GFRA1: variants seen among roughly 807,000 people sequenced by gnomAD.
GFRA1 encodes the protein GDNF family receptor alpha-1.
Under a neutral mutation model 51.6 loss-of-function variants are expected in GFRA1, and 16 were observed. The ratio of observed to expected loss-of-function variants is 0.31; its 90% CI spans 0.21 to 0.47. GFRA1 has a LOEUF of 0.47. GFRA1 is among the 20% of genes least tolerant of loss of function. GFRA1 has a pLI of 1.00. For synonymous variants in GFRA1, 270 were observed against 241.3 expected (o/e 1.12, Z -1.10); for missense variants, 530 against 594.3 (o/e 0.89, Z 1.13).
At chr10:116,109,501 T>C (rs1284001214) in intron 6 of GFRA1, among the ~76,000 whole-genome samples, 1 of 152,202 alleles carries the variant, frequency 6.6e-6, no homozygotes, top group Non-Finnish European at 1.5e-5. Flanking sequence ...TCAAATGCAG[T>C]CCTGCGACAC....
chr10:116,109,309 T>C (rs78449998), intron 6 of GFRA1, among the ~76,000 whole-genome samples: 3,489 of 152,246 alleles, frequency 0.023, 115 homozygotes, highest in African/African-American at 0.079. Context: ...TTCTTGGACT[T>C]TGGCTGCCAT....
At chr10:116,094,302 A>G (rs1956482679) in intron 7 of GFRA1, among the ~76,000 whole-genome samples, 1 of 152,220 alleles carries the variant, frequency 6.6e-6, no homozygotes, top group Non-Finnish European at 1.5e-5. Context: ...GAAGCTTCCT[A>G]GCGGTTAGCC....
chr10:116,152,680 C>A, intron 5 of GFRA1, among the ~76,000 whole-genome samples: 1 of 152,198 alleles, frequency 6.6e-6, no homozygotes, highest in East Asian at 1.9e-4. Context: ...AACATCCAAA[C>A]CATATCACAT....
At chr10:116,134,766 C>T (rs903500789) in intron 5 of GFRA1, among the ~76,000 whole-genome samples, 1 of 152,202 alleles carries the variant, frequency 6.6e-6, no homozygotes, top group African/African-American at 2.4e-5. Context: ...CTGGTAAAGA[C>T]AGTTCCCCTT....
chr10:116,091,548 T>C (rs1451872155), intron 8 of GFRA1, among the ~76,000 whole-genome samples: 2 of 152,142 alleles, frequency 1.3e-5, no homozygotes, highest in African/African-American at 4.8e-5. Flanking sequence ...CTCACCTCCA[T>C]CCCATTTGTC....
At chr10:116,158,839 G>C (rs1226212524) in intron 5 of GFRA1, among the ~76,000 whole-genome samples, 2 of 152,214 alleles carry the variant, frequency 1.3e-5, no homozygotes, top group Non-Finnish European at 2.9e-5. Context: ...CAAGCTTACA[G>C]GGGCACAGGG....
At chr10:116,147,226 C>T (rs1345170798) in intron 5 of GFRA1, among the ~76,000 whole-genome samples, 3 of 152,102 alleles carry the variant, frequency 2.0e-5, no homozygotes, top group Non-Finnish European at 4.4e-5. Flanking sequence ...ACGCTGAGTG[C>T]GCTTGTGTCC....
intron 5 of GFRA1, among the ~76,000 whole-genome samples, chr10:116,139,883 A>C (rs1958490821): frequency 6.6e-6 from 1 of 152,218 alleles, no homozygotes; most frequent in African/African-American, 2.4e-5. Flanking sequence ...TTTAAGACAC[A>C]CAAAGACTTA....
chr10:116,221,434 C>CT (rs955486118), intron 4 of GFRA1, among the ~76,000 whole-genome samples: 7 of 152,100 alleles, frequency 4.6e-5, no homozygotes, highest in African/African-American at 1.4e-4. Context: ...TTCATACTAC[C>CT]TTTTTTTAAA....
At chr10:116,085,227 C>T (rs532093009) in intron 9 of GFRA1, among the ~76,000 whole-genome samples, 28 of 152,330 alleles carry the variant, frequency 1.8e-4, no homozygotes, top group African/African-American at 6.3e-4. Flanking sequence ...AATTACACTT[C>T]GGAGCAGACT....
intron 6 of GFRA1, among the ~76,000 whole-genome samples, chr10:116,119,384 A>G (rs996325438): frequency 6.6e-6 from 1 of 152,182 alleles, no homozygotes. Context: ...ATGCATTGCT[A>G]AAGACACCCA....
intron 8 of GFRA1, among the ~76,000 whole-genome samples, chr10:116,091,342 T>C (rs1434425567): frequency 1.3e-5 from 2 of 152,178 alleles, no homozygotes; most frequent in Admixed American, 1.3e-4. Context: ...GAGGTCACAT[T>C]GTGGTTTTGC....
chr10:116,136,855 C>A (rs926706435), intron 5 of GFRA1, among the ~76,000 whole-genome samples: 1 of 151,858 alleles, frequency 6.6e-6, no homozygotes, highest in African/African-American at 2.4e-5. Context: ...ATAAAGGAGG[C>A]CATGATGTTG....
chr10:116,074,968 C>T lies in GFRA1; in HGVS notation c.1198-9342G>A, dbSNP rs575848346. On this transcript the variant is annotated intron_variant, in intron 9 of 10. Coordinates refer to ENST00000355422, the MANE Select transcript of GFRA1 (RefSeq NM_005264.8). ...AGGTATTCTCACAGGTTACCCAGAA[C>T]AAGAGAGCATATTTATAGCCAAGAT... Among the ~76,000 whole-genome samples, 3 of 152,316 alleles carry T rather than the reference C, an allele frequency of 2.0e-5. No homozygotes were observed. The East Asian group carries it at 5.8e-4, about 29-fold the overall frequency.
chr10:116,230,267 A>AT (rs1315316189), intron 4 of GFRA1, among the ~76,000 whole-genome samples: 17 of 152,184 alleles, frequency 1.1e-4, no homozygotes, highest in South Asian at 2.1e-4. Flanking sequence ...CCTCCCGTGC[A>AT]TTTTTCTGAT....
At chr10:116,188,600 C>T (rs889693632) in intron 5 of GFRA1, among the ~76,000 whole-genome samples, 5 of 152,020 alleles carry the variant, frequency 3.3e-5, no homozygotes, top group Non-Finnish European at 5.9e-5. Flanking sequence ...CACTCACGAG[C>T]GTATTAAAAT....
intron 5 of GFRA1, among the ~76,000 whole-genome samples, chr10:116,190,851 T>C (rs1963191895): frequency 6.6e-6 from 1 of 152,220 alleles, no homozygotes; most frequent in Non-Finnish European, 1.5e-5. Flanking sequence ...ACTGAATGCA[T>C]TAAAGGCATA....
intron 9 of GFRA1, among the ~76,000 whole-genome samples, chr10:116,083,393 G>A (rs539175763): frequency 7.9e-5 from 12 of 152,174 alleles, no homozygotes; most frequent in East Asian, 3.9e-4. Flanking sequence ...GCTCTCAAGC[G>A]CCTCTTCTCT....
In GFRA1 at chr10:116,125,580, G is replaced by C. The variant is rs143611583; in HGVS notation, c.434-23C>G. On this transcript the variant is annotated intron_variant, in intron 5 of 10. Transcript: ENST00000355422. Reference sequence around the variant, plus strand: ...CCACTGCAAATGCAGAGAAAGACAGGCATGGTCACAGTGCTCGGCTCTGTG... The same window carrying C: ...CCACTGCAAATGCAGAGAAAGACAGCCATGGTCACAGTGCTCGGCTCTGTG... The C allele has an allele frequency of 1.8e-3, 2,772 of 1,581,836 alleles. 37 individuals are homozygous for C. The African/African-American group carries it at 0.029, about 16-fold the overall frequency.
Sources: gnomAD v4.1 joint callset for allele counts (sites outside exome capture counted in the v4.1 genomes callset) on GRCh38, gnomAD v4.1.1 for gene constraint, MANE v1.5 for transcripts, NCBI Gene and HGNC (gene_info 2026-07-23, HGNC 2026-07-21) for gene names.